Variants in FBXW7 observed in about 807,000 individuals in gnomAD.
The protein encoded by FBXW7 is F-box/WD repeat-containing protein 7.
FBXW7 carries 11 observed loss-of-function variants against 86.3 expected under a neutral mutation model. The observed-to-expected ratio is 0.13, with a 90% CI of 0.08 to 0.21. FBXW7 has a LOEUF of 0.21. Ranked by LOEUF, FBXW7 falls within the 10% of genes least tolerant of loss-of-function variation. FBXW7 has a pLI of 1.00. For synonymous variants in FBXW7, 313 were observed against 297.9 expected, an observed-to-expected ratio of 1.05 and a Z score of -0.52; for missense variants, 488 against 847.4, an observed-to-expected ratio of 0.58 and a Z score of 5.27.
At chr4:152,391,029 A>C (rs574174173) in intron 4 of FBXW7, among the ~76,000 whole-genome samples, 2 of 152,076 alleles carry the variant, frequency 1.3e-5, no homozygotes, top group Admixed American at 6.6e-5. Context: ...GGAGGGGGAC[A>C]TTATTTCCTA....
chr4:152,358,743 T>G (rs1223634976), intron 4 of FBXW7, among the ~76,000 whole-genome samples: 1 of 152,156 alleles, frequency 6.6e-6, no homozygotes, highest in African/African-American at 2.4e-5. Flanking sequence ...AGTAATGATA[T>G]ACACCTACCT....
rs2126496156 is a variant in FBXW7 at position 152,326,165 on chromosome 4, A to T, written c.1485T>A (p.His495Gln). The T allele has an allele frequency of 6.2e-7, 1 of 1,613,356 alleles. No homozygotes were observed. ...CTGCTGCAACATGACCCATCAAAAC[A>T]TGTAAACACTGGCCTGTCTCAATAT... ...VWDIETGQCL[H>Q]VLMGHVAAVR... Residue 495 changes from histidine to glutamine, a missense_variant, in exon 12 of 14, where the codon CAT (histidine) becomes CAA (glutamine). By Grantham distance (24) the His-to-Gln change is conservative. This residue lies in a region of FBXW7 where 142 missense variants were observed against 406.6 expected (regional missense o/e 0.35). Coordinates refer to ENST00000281708, the MANE Select transcript of FBXW7 (RefSeq NM_001349798.2).
At chr4:152,483,200 A>C (rs1745040509) in intron 2 of FBXW7, among the ~76,000 whole-genome samples, 1 of 152,092 alleles carries the variant, frequency 6.6e-6, no homozygotes, top group Non-Finnish European at 1.5e-5. Context: ...TCTTTGAATT[A>C]TTTGTACTTA....
At chr4:152,501,559 T>C (rs1050439433) in intron 2 of FBXW7, among the ~76,000 whole-genome samples, 2 of 152,016 alleles carry the variant, frequency 1.3e-5, no homozygotes, top group African/African-American at 4.8e-5. Flanking sequence ...CACAGAGGAG[T>C]TGAAGTACTT....
At chr4:152,522,391 C>G (rs965487682) in intron 2 of FBXW7, among the ~76,000 whole-genome samples, 1 of 152,208 alleles carries the variant, frequency 6.6e-6, no homozygotes, top group African/African-American at 2.4e-5. Context: ...AACCTTCTTA[C>G]ATGTCTGTCT....
At chr4:152,521,810 T>A (rs1161136664) in intron 2 of FBXW7, among the ~76,000 whole-genome samples, 5 of 65,882 alleles carry the variant, frequency 7.6e-5, no homozygotes, top group Admixed American at 4.9e-4. Flanking sequence ...AAGGGTCCAA[T>A]TTTTTTTTTT....
chr4:152,530,102 C>A (rs1416814234), intron 2 of FBXW7, among the ~76,000 whole-genome samples: 5 of 138,426 alleles, frequency 3.6e-5, no homozygotes, highest in African/African-American at 8.5e-5. Context: ...CACACACACA[C>A]GTGTATATAT....
intron 4 of FBXW7, among the ~76,000 whole-genome samples, chr4:152,390,855 T>C (rs1000406953): frequency 6.8e-6 from 1 of 147,608 alleles, no homozygotes; most frequent in Non-Finnish European, 1.5e-5. Context: ...TAATTGTGTG[T>C]TTTTTTGCTA....
intron 5 of FBXW7, among the ~76,000 whole-genome samples, chr4:152,348,094 A>G (rs1299894793): frequency 1.3e-5 from 2 of 152,070 alleles, no homozygotes; most frequent in African/African-American, 4.8e-5. Context: ...ATTGCATCGT[A>G]ATAGTTAACA....
At chr4:152,391,147 G>T (rs549164803) in intron 4 of FBXW7, among the ~76,000 whole-genome samples, 16 of 152,140 alleles carry the variant, frequency 1.1e-4, no homozygotes, top group African/African-American at 3.9e-4. Context: ...TGCTATGCAA[G>T]TATGTGAGAT....
chr4:152,500,296 A>G (rs1395648388), intron 2 of FBXW7, among the ~76,000 whole-genome samples: 1 of 152,124 alleles, frequency 6.6e-6, no homozygotes, highest in Non-Finnish European at 1.5e-5. Flanking sequence ...TTCATTTAGT[A>G]TAAGTCAATG....
intron 2 of FBXW7, among the ~76,000 whole-genome samples, chr4:152,532,677 T>A (rs923862706): frequency 2.6e-5 from 4 of 152,192 alleles, no homozygotes; most frequent in African/African-American, 7.2e-5. Context: ...AAAGCAACAT[T>A]TCCCTAGTGA....
At chr4:152,455,068 C>T (rs376148905) in intron 2 of FBXW7, among the ~76,000 whole-genome samples, 2 of 151,992 alleles carry the variant, frequency 1.3e-5, no homozygotes, top group South Asian at 2.1e-4. Context: ...TGAAAGGAAG[C>T]TGTAAAAAGA....
rs2126536946 is a variant in FBXW7 at position 152,330,878 on chromosome 4, T to A, written c.986-10A>T. 1 of 1,609,790 alleles carries A rather than the reference T, an allele frequency of 6.2e-7. No individual in the cohort carries two copies. The highest frequency in any genetic ancestry group is 8.5e-7 in the Non-Finnish European group (1 of 1,177,652). ...AATGGTTCATCAATCCCTAAAGTGTTACAGTTCAAGAGTAAATTGCCTTCA... is the reference window on the plus strand; with the variant it reads ...AATGGTTCATCAATCCCTAAAGTGTAACAGTTCAAGAGTAAATTGCCTTCA... On this transcript the variant is annotated splice_polypyrimidine_tract_variant and intron_variant, in intron 8 of 13. Transcript: ENST00000281708.
intron 4 of FBXW7, among the ~76,000 whole-genome samples, chr4:152,373,147 T>C (rs1734153514): frequency 6.6e-6 from 1 of 152,036 alleles, no homozygotes; most frequent in Non-Finnish European, 1.5e-5. Context: ...ATAAGACTGC[T>C]TGAGTTAGTG....
At chr4:152,512,177 C>T (rs186087544) in intron 2 of FBXW7, among the ~76,000 whole-genome samples, 118 of 152,268 alleles carry the variant, frequency 7.7e-4, no homozygotes, top group African/African-American at 2.6e-3. Context: ...TACACATACT[C>T]CTTAGTTTGG....
chr4:152,386,755 G>A (rs1735558301), intron 4 of FBXW7, among the ~76,000 whole-genome samples: 1 of 151,908 alleles, frequency 6.6e-6, no homozygotes, highest in Non-Finnish European at 1.5e-5. Flanking sequence ...GTAAAGAAAA[G>A]GTCTTTATAT....
chr4:152,395,225 G>A (rs1299231289), intron 4 of FBXW7, among the ~76,000 whole-genome samples: 1 of 152,072 alleles, frequency 6.6e-6, no homozygotes, highest in East Asian at 1.9e-4. Flanking sequence ...GTTTAGTTAA[G>A]TAGCTCTTGA....
At position 152,498,334 on chromosome 4, in the gene FBXW7, A is replaced by G. The variant is rs539299235; in HGVS notation, c.-120+36607T>C. On this transcript the variant is annotated intron_variant, in intron 2 of 13. Coordinates refer to ENST00000281708, the MANE Select transcript of FBXW7 (RefSeq NM_001349798.2). ...TAAAACATTAAGAAGACAGTAATTC[A>G]GAAGATATGATCACCTACTAACGAA... 2.0e-5 allele frequency among the ~76,000 whole-genome samples: 3 copies of G among 152,306 alleles called. No homozygotes were observed. The South Asian group carries it at 6.2e-4, about 32-fold the overall frequency.
Sources: allele counts gnomAD v4.1 joint callset (sites outside exome capture counted in the v4.1 genomes callset), GRCh38; gene constraint gnomAD v4.1.1; regional missense constraint gnomAD v4.1.1; transcripts MANE v1.5; gene names NCBI Gene and HGNC (gene_info 2026-07-23, HGNC 2026-07-21).